The following BMPR1A variants were observed in gnomAD, a reference collection of about 807,000 sequenced individuals.
BMPR1A encodes bone morphogenetic protein receptor type 1A.
In BMPR1A, 7 loss-of-function variants were observed where a neutral mutation model predicts 66.0. The observed-to-expected ratio is 0.11, with a 90% CI of 0.06 to 0.20. The LOEUF is 0.20. Ranked by LOEUF, BMPR1A falls within the 10% of genes least tolerant of loss-of-function variation. The pLI, the probability that BMPR1A is intolerant of heterozygous loss-of-function variation, is 1.00. For synonymous variants in BMPR1A, 200 were observed against 229.7 expected (o/e 0.87, Z 1.17); for missense variants, 408 against 669.1 (o/e 0.61, Z 4.31).
At chr10:86,899,411 C>G (rs532379808) in intron 5 of BMPR1A, among the ~76,000 whole-genome samples, 1 of 152,240 alleles carries the variant, frequency 6.6e-6, no homozygotes, top group Non-Finnish European at 1.5e-5. Flanking sequence ...TCTGCACGCT[C>G]AGCTGCCTTG....
At chr10:86,844,732 T>G in intron 2 of BMPR1A, among the ~76,000 whole-genome samples, 1 of 152,106 alleles carries the variant, frequency 6.6e-6, no homozygotes, top group East Asian at 1.9e-4. Context: ...GGCATTTGTG[T>G]TTTGTTTGTT....
intron 9 of BMPR1A, 125 bp downstream of exon 9, chr10:86,917,451 G>A (rs1843591880): frequency 4.4e-6 from 5 of 1,146,304 alleles, no homozygotes; most frequent in Admixed American, 4.0e-5. Context: ...AGGAAACCTA[G>A]TAGAATACAC....
chr10:86,789,809 A>G (rs369808438), intron 1 of BMPR1A, among the ~76,000 whole-genome samples: 3 of 151,954 alleles, frequency 2.0e-5, no homozygotes, highest in East Asian at 3.9e-4. Flanking sequence ...ACTCCAAAGA[A>G]GATGTACAAA....
chr10:86,871,197 T>G (rs1842850882), intron 2 of BMPR1A, among the ~76,000 whole-genome samples: 1 of 152,220 alleles, frequency 6.6e-6, no homozygotes, highest in Non-Finnish European at 1.5e-5. Context: ...CCCTTTCCGC[T>G]TCATCTAGAT....
chr10:86,790,176 AAAAAAAAAAAAAATATATATATATAT>A (rs1472088996), intron 1 of BMPR1A, among the ~76,000 whole-genome samples: 5 of 43,070 alleles, frequency 1.2e-4, no homozygotes, highest in Non-Finnish European at 1.6e-4. Flanking sequence ...AAAAAAAAAA[AAAAAAAAAAAAAATATATATATATAT>A]ATATATATAT....
At chr10:86,765,666 T>G (rs192831722) in intron 1 of BMPR1A, among the ~76,000 whole-genome samples, 4 of 152,244 alleles carry the variant, frequency 2.6e-5, no homozygotes, top group Admixed American at 2.6e-4. Context: ...GGTGAAACTC[T>G]AGTATAGTTT....
At chr10:86,768,487 G>GT (rs1841202741) in intron 1 of BMPR1A, among the ~76,000 whole-genome samples, 2 of 152,008 alleles carry the variant, frequency 1.3e-5, no homozygotes, top group African/African-American at 2.4e-5. Context: ...ACTCTTCCCT[G>GT]TTTTTTCTTA....
chr10:86,805,249 C>G (rs1458037690), intron 1 of BMPR1A, among the ~76,000 whole-genome samples: 1 of 151,968 alleles, frequency 6.6e-6, no homozygotes, highest in Non-Finnish European at 1.5e-5. Context: ...GAAATCATTT[C>G]ATACTTAGAA....
At chr10:86,912,013 T>G (rs1446740885) in intron 7 of BMPR1A, among the ~76,000 whole-genome samples, 3 of 152,168 alleles carry the variant, frequency 2.0e-5, no homozygotes, top group Non-Finnish European at 2.9e-5. Flanking sequence ...TGATAGTGTC[T>G]TTTTACATGC....
chr10:86,785,363 T>C (rs754181981), intron 1 of BMPR1A, among the ~76,000 whole-genome samples: 14 of 152,198 alleles, frequency 9.2e-5, no homozygotes, highest in Non-Finnish European at 1.6e-4. Context: ...TGCAGTGCAG[T>C]GGTGGGAACT....
intron 2 of BMPR1A, among the ~76,000 whole-genome samples, chr10:86,844,558 T>A (rs1003255890): frequency 6.6e-6 from 1 of 152,220 alleles, no homozygotes; most frequent in Non-Finnish European, 1.5e-5. Context: ...GCTTTTAAAA[T>A]GCATTTATTA....
intron 2 of BMPR1A, among the ~76,000 whole-genome samples, chr10:86,853,454 T>C (rs1842599063): frequency 6.6e-6 from 1 of 152,224 alleles, no homozygotes; most frequent in Non-Finnish European, 1.5e-5. Context: ...TGTAAAATAG[T>C]AATGCCAACT....
intron 5 of BMPR1A, among the ~76,000 whole-genome samples, chr10:86,894,881 G>T (rs1281001970): frequency 6.6e-6 from 1 of 152,136 alleles, no homozygotes; most frequent in African/African-American, 2.4e-5. Flanking sequence ...CGGGCACGTT[G>T]ATAGTTTTAA....
intron 7 of BMPR1A, among the ~76,000 whole-genome samples, chr10:86,900,912 C>T (rs1273900876): frequency 6.6e-6 from 1 of 152,364 alleles, no homozygotes; most frequent in East Asian, 1.9e-4. Flanking sequence ...GTGATTCTCA[C>T]TGCCTGGGGT....
chr10:86,874,064 G>T (rs1313749859), intron 2 of BMPR1A, among the ~76,000 whole-genome samples: 5 of 152,134 alleles, frequency 3.3e-5, no homozygotes, highest in African/African-American at 9.7e-5. Flanking sequence ...TCACACCAGG[G>T]TCATTGTGTC....
chr10:86,799,408 A>G (rs1478103083), intron 1 of BMPR1A, among the ~76,000 whole-genome samples: 1 of 152,182 alleles, frequency 6.6e-6, no homozygotes, highest in East Asian at 1.9e-4. Flanking sequence ...GTGCTCTACA[A>G]ATAACTACTG....
rs376521728 is a variant in BMPR1A, at chr10:86,909,039, G to A, written c.531-3201G>A. Among the ~76,000 whole-genome samples the A allele has an allele frequency of 5.9e-5, 9 of 152,280 alleles. No homozygotes were observed. In the East Asian group the frequency reaches 1.2e-3, roughly 20 times the overall value. Reference sequence around the variant, plus strand: ...CTCTGGGGCAGGGGGAAGAGGGTGTGCAAGAAAGAAAACAACAGTCATGTT... The same window carrying A: ...CTCTGGGGCAGGGGGAAGAGGGTGTACAAGAAAGAAAACAACAGTCATGTT... On this transcript the variant is annotated intron_variant, in intron 7 of 12. Transcript: ENST00000372037.
At chr10:86,884,445 A>C (rs1301478759) in intron 3 of BMPR1A, among the ~76,000 whole-genome samples, 1 of 91,542 alleles carries the variant, frequency 1.1e-5, no homozygotes. Context: ...ATGGAGTCTC[A>C]CTCTGTTGAC....
chr10:86,918,697 C>T (rs1001177584), intron 9 of BMPR1A, among the ~76,000 whole-genome samples: 1 of 150,856 alleles, frequency 6.6e-6, no homozygotes, highest in African/African-American at 2.4e-5. Context: ...CATCTTGGCT[C>T]ACTGCAACCT....
Sources: allele counts gnomAD v4.1 joint callset (sites outside exome capture counted in the v4.1 genomes callset), GRCh38; gene constraint gnomAD v4.1.1; transcripts MANE v1.5; gene names NCBI Gene and HGNC (gene_info 2026-07-23, HGNC 2026-07-21).